Variants in ELAVL4 observed in about 807,000 individuals in gnomAD.
ELAVL4 encodes ELAV-like protein 4.
ELAVL4 carries 1 observed loss-of-function variant against 35.6 expected under a neutral mutation model. The observed-to-expected ratio is 0.03, with a 90% confidence interval of 0.01 to 0.13. The LOEUF (loss-of-function observed/expected upper bound fraction) is 0.13. Ranked by LOEUF, ELAVL4 falls within the 10% of genes least tolerant of loss-of-function variation. The pLI is 1.00. For synonymous variants in ELAVL4, 156 were observed against 171.0 expected (o/e 0.91, Z 0.69); for missense variants, 267 against 464.9 (o/e 0.57, Z 3.91).
chr1:50,198,173 T>G (rs894556301), intron 6 of ELAVL4, among the ~76,000 whole-genome samples: 1 of 152,138 alleles, frequency 6.6e-6, no homozygotes, highest in African/African-American at 2.4e-5. Context: ...TTTTGTGGGG[T>G]TGGGGGCCCA....
At chr1:50,147,785 G>C (rs1478389391) in intron 2 of ELAVL4, among the ~76,000 whole-genome samples, 3 of 152,134 alleles carry the variant, frequency 2.0e-5, no homozygotes, top group Non-Finnish European at 2.9e-5. Flanking sequence ...GGGAGGATTG[G>C]GGGGTGGGAG....
chr1:50,145,376 C>A (rs1673518462), intron 2 of ELAVL4, among the ~76,000 whole-genome samples, 179 bp downstream of exon 2: 1 of 152,168 alleles, frequency 6.6e-6, no homozygotes, highest in Non-Finnish European at 1.5e-5. Context: ...TAGATTGGTA[C>A]TGCTGGGGAG....
At chr1:50,164,005 T>C (rs1196985256) in intron 2 of ELAVL4, among the ~76,000 whole-genome samples, 1 of 152,110 alleles carries the variant, frequency 6.6e-6, no homozygotes, top group Non-Finnish European at 1.5e-5. Context: ...GAAAGCTACT[T>C]CTCCCTCTGG....
At chr1:50,190,389 T>G (rs1008540848) in intron 3 of ELAVL4, among the ~76,000 whole-genome samples, 2 of 152,222 alleles carry the variant, frequency 1.3e-5, no homozygotes. Flanking sequence ...TATGGAAAGT[T>G]GAAAATTTTA....
rs939982407 is a variant in ELAVL4, at chr1:50,202,161, G to A, written c.*983G>A. On this transcript the variant is annotated 3_prime_UTR_variant, in exon 7 of 7. Coordinates refer to ENST00000371824, the MANE Select transcript of ELAVL4 (RefSeq NM_001144774.3). ...ATTAAAAAACAATTATTAATTACTA[G>A]GGGAAAGGAGTGTTCGTTCTACCCA... The A allele has an allele frequency of 6.6e-6, 1 of 152,078 alleles. No individual in the cohort carries two copies. The highest frequency in any genetic ancestry group is 1.5e-5 in the Non-Finnish European group (1 of 67,996). The allele number at this position is 152,078 out of a possible 1,614,324, so 9.4% of individuals were successfully genotyped here. A position where few individuals can be genotyped will look rare whatever the true frequency, so the allele number is the denominator to read the frequency against.
At chr1:50,077,776 T>C (rs1557689789) in intron 1 of ELAVL4, among the ~76,000 whole-genome samples, 1 of 152,238 alleles carries the variant, frequency 6.6e-6, no homozygotes, top group Non-Finnish European at 1.5e-5. Flanking sequence ...AGCTTAATTT[T>C]ATCCAGTGCT....
At chr1:50,104,751 A>G (rs1242678543), upstream of ELAVL4, among the ~76,000 whole-genome samples, 1 of 152,254 alleles carries the variant, frequency 6.6e-6, no homozygotes, top group East Asian at 1.9e-4. Context: ...CCTTAAAATC[A>G]GGCCATATAA....
intron 1 of ELAVL4, among the ~76,000 whole-genome samples, chr1:50,111,792 T>G (rs1190205411): frequency 6.6e-6 from 1 of 152,120 alleles, no homozygotes; most frequent in Non-Finnish European, 1.5e-5. Flanking sequence ...TCTCTCTTTT[T>G]TCTCTAAATG....
At chr1:50,072,380 C>T (rs1047670938) in intron 1 of ELAVL4, among the ~76,000 whole-genome samples, 8 of 152,208 alleles carry the variant, frequency 5.3e-5, no homozygotes, top group African/African-American at 1.9e-4. Flanking sequence ...TTGTACCTCT[C>T]TATGAACGTG....
At chr1:50,112,428 TA>T (rs1667227553) in intron 1 of ELAVL4, among the ~76,000 whole-genome samples, 1 of 152,130 alleles carries the variant, frequency 6.6e-6, no homozygotes, top group African/African-American at 2.4e-5. Flanking sequence ...TATTAATGCC[TA>T]CTACCTTCAT....
chr1:50,201,405 A>C lies in ELAVL4; in HGVS notation c.*227A>C. ...TAGAAAAAAAGAAAAAAAAAAAACA[A>C]AAAATACCTTTGATGCATTGAATGT... On this transcript the variant is annotated 3_prime_UTR_variant, in exon 7 of 7. Coordinates refer to ENST00000371824, the MANE Select transcript of ELAVL4 (RefSeq NM_001144774.3). This position sits in a 1 kb window ranked among gnomAD's most constrained non-coding sequence, Gnocchi z 4.3. The C allele has an allele frequency of 2.9e-6, 1 of 345,068 alleles. No homozygotes were observed. The highest frequency in any genetic ancestry group is 4.9e-6 in the Non-Finnish European group (1 of 203,290). The allele number at this position is 345,068 out of a possible 1,614,324, so 21.4% of individuals were successfully genotyped here. A position where few individuals can be genotyped will look rare whatever the true frequency, so the allele number is the denominator to read the frequency against.
intron 2 of ELAVL4, among the ~76,000 whole-genome samples, chr1:50,153,439 T>C (rs1329959777): frequency 6.6e-6 from 1 of 152,194 alleles, no homozygotes; most frequent in African/African-American, 2.4e-5. Context: ...AGTCAGCTGG[T>C]GAGTGGGGTT....
At chr1:50,063,524 T>A (rs547765458) in intron 1 of ELAVL4, among the ~76,000 whole-genome samples, 1 of 152,328 alleles carries the variant, frequency 6.6e-6, no homozygotes, top group African/African-American at 2.4e-5. Context: ...TGTTCCTATA[T>A]CAGCATTTGC....
At chr1:50,135,074 G>A (rs1671656683) in intron 1 of ELAVL4, among the ~76,000 whole-genome samples, 1 of 152,120 alleles carries the variant, frequency 6.6e-6, no homozygotes, top group African/African-American at 2.4e-5. Context: ...GCTATTTTAA[G>A]TATTAATGCC....
chr1:50,102,355 C>T (rs1231256877), upstream of ELAVL4, among the ~76,000 whole-genome samples: 1 of 142,606 alleles, frequency 7.0e-6, no homozygotes, highest in African/African-American at 2.8e-5. Context: ...AAAATAAAAA[C>T]TCTGCCCTAA....
chr1:50,113,928 C>A (rs1031091233), intron 1 of ELAVL4, among the ~76,000 whole-genome samples: 2 of 152,062 alleles, frequency 1.3e-5, no homozygotes, highest in East Asian at 3.9e-4. Context: ...CACTTACTTG[C>A]AAGTATATGT....
intron 1 of ELAVL4, among the ~76,000 whole-genome samples, chr1:50,060,870 A>G (rs1254671037): frequency 6.6e-6 from 1 of 152,228 alleles, no homozygotes; most frequent in East Asian, 1.9e-4. Flanking sequence ...AGTGCCTTGT[A>G]GCACTCAAGC....
chr1:50,197,736 A>G (rs971887015), intron 6 of ELAVL4, among the ~76,000 whole-genome samples: 1 of 152,196 alleles, frequency 6.6e-6, no homozygotes, highest in Non-Finnish European at 1.5e-5. Context: ...CAAGCCCTTA[A>G]TAATCTGGTC....
At position 50,177,762 on chromosome 1, in the gene ELAVL4, C is replaced by T. The variant is rs1013143458; in HGVS notation, c.354+570C>T. ...AAAGGGAGCATCAGTTATAAATAAACGCACCAGTGTAATAGGGATGGGTAC... is the reference window on the plus strand; with the variant it reads ...AAAGGGAGCATCAGTTATAAATAAATGCACCAGTGTAATAGGGATGGGTAC... On this transcript the variant is annotated intron_variant, in intron 3 of 6. Transcript: ENST00000371824. 3.3e-5 allele frequency among the ~76,000 whole-genome samples: 5 copies of T among 152,038 alleles called. No individual in the cohort carries two copies. The South Asian group carries it at 6.2e-4, about 19-fold the overall frequency.
Sources: gnomAD v4.1 joint callset for allele counts (sites outside exome capture counted in the v4.1 genomes callset) on GRCh38, gnomAD v4.1.1 for gene constraint, Gnocchi (gnomAD v3.1) non-coding constraint, MANE v1.5 for transcripts, NCBI Gene and HGNC (gene_info 2026-07-23, HGNC 2026-07-21) for gene names.